ZNF626: variants seen among roughly 807,000 people sequenced by gnomAD.
The protein encoded by ZNF626 is zinc finger protein 626.
Under a neutral mutation model 11.7 loss-of-function variants are expected in ZNF626, and 4 were observed. The ratio of observed to expected loss-of-function variants is 0.34; its 90% CI spans 0.17 to 0.78. The LOEUF is 0.78. Ranked by LOEUF, ZNF626 falls within the 30% of genes least tolerant of loss-of-function variation. The probability of loss-of-function intolerance (pLI) is 0.57; values close to 1 mark genes in which losing one functional copy is unlikely to be tolerated. For missense variants in ZNF626, 588 were observed against 587.1 expected (o/e 1.00, Z -0.01); for synonymous variants, 179 against 198.6 (o/e 0.90, Z 0.83).
chr19:20,650,964 G>A (rs997088840), intron 1 of ZNF626, among the ~76,000 whole-genome samples: 4 of 152,068 alleles, frequency 2.6e-5, no homozygotes, highest in African/African-American at 9.7e-5. Context: ...TGAGGTAGGT[G>A]GATCACGAGG....
At chr19:20,644,736 A>G (rs1251864704) in intron 3 of ZNF626, 1 of 152,134 alleles carries the variant, frequency 6.6e-6, no homozygotes, top group Non-Finnish European at 1.5e-5. Context: ...AAAACCATAA[A>G]CAGTACATTA....
Position 20,646,246 on chromosome 19 carries a change from A to G in ZNF626, c.130+33T>C, listed in dbSNP as rs1230718325. The G allele has an allele frequency of 2.6e-6, 4 of 1,563,980 alleles. No homozygotes were observed. In the African/African-American group the frequency reaches 4.1e-5, roughly 16 times the overall value. ...TACAAAAAATAAATAAATAAAATCT[A>G]TAGGGTATATTATGTACTCAAGTTA... On this transcript the variant is annotated intron_variant, in intron 2 of 3. Coordinates refer to ENST00000601440, the MANE Select transcript of ZNF626 (RefSeq NM_001076675.3).
chr19:20,644,611 TG>T (rs145813458), intron 3 of ZNF626: 17,522 of 152,468 alleles, frequency 0.11, 1,203 homozygotes, highest in African/African-American at 0.18. Context: ...AAAACTATAT[TG>T]TGCCCATTTT....
At position 20,649,776 on chromosome 19, in the gene ZNF626, T is replaced by C. The variant is rs900099079; in HGVS notation, c.4-3371A>G. ...ACTCTGGAGGTTTGAAAAGGGTCCA[T>C]GAATGGGTGTTTTAAACAAGTTCCC... On this transcript the variant is annotated intron_variant, in intron 1 of 3. Coordinates refer to ENST00000601440, the MANE Select transcript of ZNF626 (RefSeq NM_001076675.3). 3.9e-5 allele frequency among the ~76,000 whole-genome samples: 6 copies of C among 152,024 alleles called. No individual in the cohort carries two copies. In the East Asian group the frequency reaches 9.6e-4, roughly 24 times the overall value.
chr19:20,636,135 AAAAACCAAAACC>A lies in ZNF626; in HGVS notation c.226+9537_226+9548del, dbSNP rs576833241. Among the ~76,000 whole-genome samples, 12 of 152,318 alleles carry A rather than the reference AAAAACCAAAACC, an allele frequency of 7.9e-5. No homozygotes were observed. The East Asian group carries it at 2.1e-3, about 27-fold the overall frequency. ...TAACAAGAGTGAAATTCCCTCTCAA[AAAAACCAAAACC>A]AAAACCAAAACCAAAAACCTGTTAC... On this transcript the variant is annotated intron_variant, in intron 3 of 3. Transcript: ENST00000601440.
At chr19:20,657,952 G>A (rs939986150) in intron 1 of ZNF626, among the ~76,000 whole-genome samples, 1 of 152,114 alleles carries the variant, frequency 6.6e-6, no homozygotes, top group Non-Finnish European at 1.5e-5. Flanking sequence ...GTTGAGGGGG[G>A]AGGGTGGGAG....
intron 3 of ZNF626, among the ~76,000 whole-genome samples, chr19:20,636,810 C>T (rs1241028927): frequency 6.6e-6 from 1 of 152,098 alleles, no homozygotes; most frequent in Non-Finnish European, 1.5e-5. Context: ...TGTCTGAGGT[C>T]AGGAGTCCAA....
At chr19:20,655,851 C>T (rs1209207621) in intron 1 of ZNF626, among the ~76,000 whole-genome samples, 2 of 151,668 alleles carry the variant, frequency 1.3e-5, no homozygotes, top group Non-Finnish European at 2.9e-5. Context: ...AGGAGATTGG[C>T]GTGAACCCAG....
chr19:20,636,269 T>A (rs1163476316), intron 3 of ZNF626, among the ~76,000 whole-genome samples: 2 of 152,196 alleles, frequency 1.3e-5, no homozygotes, highest in Non-Finnish European at 2.9e-5. Context: ...TGGCAATAGA[T>A]ACATGGCTTT....
intron 1 of ZNF626, among the ~76,000 whole-genome samples, chr19:20,655,261 G>A (rs535029009): frequency 2.6e-5 from 4 of 152,220 alleles, no homozygotes; most frequent in African/African-American, 7.2e-5. Flanking sequence ...TCTTGCTTTC[G>A]CAGTATAAGT....
At chr19:20,626,901 G>A (rs542172485) in intron 3 of ZNF626, among the ~76,000 whole-genome samples, 1 of 152,170 alleles carries the variant, frequency 6.6e-6, no homozygotes, top group South Asian at 2.1e-4. Flanking sequence ...TGTAACCCCA[G>A]CTACTTGGGA....
intron 3 of ZNF626, chr19:20,645,195 A>G (rs1224592378): frequency 1.7e-5 from 20 of 1,146,446 alleles, no homozygotes; most frequent in African/African-American, 6.4e-5. Context: ...TTCAAACTAT[A>G]TATTTCAAGC....
At chr19:20,631,983 G>A (rs1969911099) in intron 3 of ZNF626, among the ~76,000 whole-genome samples, 1 of 151,644 alleles carries the variant, frequency 6.6e-6, no homozygotes, top group Non-Finnish European at 1.5e-5. Context: ...GGGCAGACTT[G>A]GTGGTGACAA....
chr19:20,640,908 A>C (rs1257009587), intron 3 of ZNF626, among the ~76,000 whole-genome samples: 2 of 152,118 alleles, frequency 1.3e-5, no homozygotes, highest in African/African-American at 4.8e-5. Flanking sequence ...GCAATTTGGG[A>C]GGCCAAGGTA....
At chr19:20,645,901 T>G in intron 2 of ZNF626, 122 bp from the exon 3 acceptor site, 1 of 701,876 alleles carries the variant, frequency 1.4e-6, no homozygotes, top group Non-Finnish European at 2.1e-6. Context: ...AATACTAAGT[T>G]GTAACAGAAA....
Position 20,624,878 on chromosome 19 carries a change from T to A in ZNF626, c.999A>T (p.Arg333Ser). The A allele has an allele frequency of 6.2e-7, 1 of 1,613,872 alleles. No individual in the cohort carries two copies. The highest frequency in any genetic ancestry group is 8.5e-7 in the Non-Finnish European group (1 of 1,179,948). Residue 333 changes from arginine (R) to serine (S), a missense_variant, in exon 4 of 4, where the codon AGA (arginine) becomes AGT (serine). By Grantham distance (110) the Arg-to-Ser change is moderately radical (BLOSUM62 -1). Around this residue, in one of 4 missense-constraint regions of ZNF626, gnomAD observed 524 missense variants for 470.1 expected, o/e 1.11. Coordinates refer to ENST00000601440, the MANE Select transcript of ZNF626 (RefSeq NM_001076675.3). ...TGTAGGGTTTGTCTTCAGTATGAAT[T>A]CTTTTATGTGTAGTAAGGGTATAGG... Reference protein sequence around the residue: ...KYSYTLTTHKRIHTEDKPYKC... With the variant: ...KYSYTLTTHKSIHTEDKPYKC...
At chr19:20,630,783 A>C (rs1476468791) in intron 3 of ZNF626, among the ~76,000 whole-genome samples, 2 of 151,746 alleles carry the variant, frequency 1.3e-5, no homozygotes, top group African/African-American at 4.8e-5. Flanking sequence ...TATTTCCTTC[A>C]GTTCTGCTCT....
chr19:20,632,560 T>C (rs1969918266), intron 3 of ZNF626, among the ~76,000 whole-genome samples: 1 of 152,232 alleles, frequency 6.6e-6, no homozygotes, highest in Non-Finnish European at 1.5e-5. Flanking sequence ...GCTGATACCC[T>C]TTCTTCCAGT....
chr19:20,648,656 C>T (rs1422354318), intron 1 of ZNF626, among the ~76,000 whole-genome samples: 1 of 152,150 alleles, frequency 6.6e-6, no homozygotes, highest in African/African-American at 2.4e-5. Flanking sequence ...TAGGTGTGAG[C>T]CACGGCACCT....
Sources: gnomAD v4.1 joint callset for allele counts (sites outside exome capture counted in the v4.1 genomes callset) on GRCh38, gnomAD v4.1.1 for gene constraint, gnomAD v4.1.1 regional missense constraint, MANE v1.5 for transcripts, NCBI Gene and HGNC (gene_info 2026-07-23, HGNC 2026-07-21) for gene names.